ITGA1: variants seen among roughly 807,000 people sequenced by gnomAD.
ITGA1 encodes integrin alpha-1.
ITGA1 carries 85 observed loss-of-function variants against 145.9 expected under a neutral mutation model. The observed-to-expected ratio is 0.58, with a 90% confidence interval of 0.49 to 0.70. The LOEUF (loss-of-function observed/expected upper bound fraction) is 0.70. Among genes scored for constraint, ITGA1 ranks in the 30% least tolerant of loss-of-function variants. The pLI is 0.00. For missense variants in ITGA1, 1,351 were observed against 1,418.7 expected, an observed-to-expected ratio of 0.95 and a Z score of 0.77; for synonymous variants, 520 against 495.3, an observed-to-expected ratio of 1.05 and a Z score of -0.66.
Position 52,897,452 on chromosome 5 carries a change from T to C in ITGA1, c.1091-3T>C. 6.2e-7 allele frequency: 1 copy of C among 1,604,176 alleles called. No homozygotes were observed. Among genetic ancestry groups the C allele is most frequent in the Non-Finnish European group, 8.5e-7 (1 of 1,171,684 alleles). On this transcript the variant is annotated splice_region_variant and splice_polypyrimidine_tract_variant and intron_variant, in intron 9 of 28. Transcript: ENST00000282588. ...TTTACAGTGATATTTTCCTATGTTA[T>C]AGCCACAGCTGACCAGTCAGCAGCT...
Position 52,898,239 on chromosome 5 carries a change from G to T in ITGA1, c.1165G>T (p.Asp389Tyr). Residue 389 changes from aspartate (D) to tyrosine (Y), a missense_variant and splice_region_variant, in exon 11 of 29, where the codon GAC becomes TAC. Asp to Tyr is a radical substitution (Grantham distance 160). Transcript: ENST00000282588. ...QTGFSAHYSQ[D>Y]WVMLGAVGAY... ...ATTATCTTATTTATTTGCATGTAAG[G>T]ACTGGGTCATGCTTGGAGCAGTAGG... is the stretch of plus-strand genomic sequence containing the variant. 6.5e-7 allele frequency: 1 copy of T among 1,547,862 alleles called. No individual in the cohort carries two copies. Among genetic ancestry groups the T allele is most frequent in the South Asian group, 1.3e-5 (1 of 78,756 alleles).
rs911401634 is a variant in ITGA1, at chr5:52,952,428, C to T, written c.3517C>T (p.Leu1173=). The change falls in exon 29 of 29, where the codon CTG becomes TTG. Residue 1173 remains leucine, a synonymous_variant. Coordinates refer to ENST00000282588, the MANE Select transcript of ITGA1 (RefSeq NM_181501.2). ...LWKIGFFKRP[L]KKKMEK ...ACAGATTGGATTCTTCAAAAGACCA[C>T]TGAAAAAGAAAATGGAGAAATGAAA... 15 of 1,417,976 alleles carry T rather than the reference C, an allele frequency of 1.1e-5. No homozygotes were observed. Among genetic ancestry groups the T allele is most frequent in the Non-Finnish European group, 1.4e-5 (15 of 1,038,050 alleles). The allele number at this position is 1,417,976 out of a possible 1,614,324, so 87.8% of individuals were successfully genotyped here.
chr5:52,891,669 A>T (rs1750153607), intron 8 of ITGA1, among the ~76,000 whole-genome samples: 1 of 140,626 alleles, frequency 7.1e-6, no homozygotes. Context: ...TAAAGTTTTA[A>T]AAAAAATATT....
chr5:52,932,104 G>T lies in ITGA1; in HGVS notation c.2829G>T (p.Pro943=), dbSNP rs373095255. 4.4e-6 allele frequency: 7 copies of T among 1,608,982 alleles called. No homozygotes were observed. Among genetic ancestry groups the T allele is most frequent in the Non-Finnish European group, 6.0e-6 (7 of 1,176,024 alleles). The change falls in exon 22 of 29, where the codon CCG becomes CCT. Residue 943 remains proline, a synonymous_variant. Coordinates refer to ENST00000282588, the MANE Select transcript of ITGA1 (RefSeq NM_181501.2). ...ATAATGTAGTAAACATTTCTATCCC[G>T]GTAAAATATGAAGTTGGACTACAGT... ...LSDNVVNISI[P]VKYEVGLQFY...
At chr5:52,884,040 AG>A (rs1414145480) in intron 7 of ITGA1, among the ~76,000 whole-genome samples, 1 of 152,208 alleles carries the variant, frequency 6.6e-6, no homozygotes, top group African/African-American at 2.4e-5. Context: ...TAGTGACCTA[AG>A]GAATTTGAAT....
At chr5:52,852,929 C>T (rs1261206707) in intron 2 of ITGA1, among the ~76,000 whole-genome samples, 1 of 151,984 alleles carries the variant, frequency 6.6e-6, no homozygotes, top group Non-Finnish European at 1.5e-5. Flanking sequence ...CTACTTAGGA[C>T]CAGAGCTGTA....
chr5:52,917,671 T>C (rs1183269885), intron 15 of ITGA1, among the ~76,000 whole-genome samples: 1 of 152,052 alleles, frequency 6.6e-6, no homozygotes, highest in African/African-American at 2.4e-5. Context: ...GGCATACATA[T>C]GAAGATGTGC....
intron 1 of ITGA1, among the ~76,000 whole-genome samples, chr5:52,789,693 T>C (rs1748201989): frequency 6.6e-6 from 1 of 152,236 alleles, no homozygotes; most frequent in Admixed American, 6.5e-5. Flanking sequence ...TTTTTACACA[T>C]ATTTGACCTA....
chr5:52,821,799 A>C (rs1748883593), intron 1 of ITGA1, among the ~76,000 whole-genome samples: 1 of 152,162 alleles, frequency 6.6e-6, no homozygotes, highest in African/African-American at 2.4e-5. Flanking sequence ...TATAGAATTT[A>C]TTAGGAATCT....
chr5:52,885,600 T>C (rs1750033719), intron 7 of ITGA1, among the ~76,000 whole-genome samples: 1 of 152,212 alleles, frequency 6.6e-6, no homozygotes, highest in Non-Finnish European at 1.5e-5. Context: ...AAATTAAATT[T>C]GACAGAGTTT....
chr5:52,857,285 C>A (rs933888288), intron 2 of ITGA1, among the ~76,000 whole-genome samples: 5 of 152,198 alleles, frequency 3.3e-5, no homozygotes, highest in African/African-American at 1.2e-4. Context: ...CGCTCTTCCT[C>A]ATTTTTAAGA....
At position 52,865,757 on chromosome 5, in the gene ITGA1, T is replaced by C. The variant is rs770257390; in HGVS notation, c.564T>C (p.Ser188=). The change falls in exon 6 of 29, where the codon AGT becomes AGC. Residue 188 remains serine, a synonymous_variant. Transcript: ENST00000282588. The part of the protein sequence containing the change: ...DGSNSIYPWD[S]VTAFLNDLLE... ...CCAACAGTATTTACCCATGGGACAGTGTTACAGCTTTTTTAAATGACCTTC... is the reference window on the plus strand; with the variant it reads ...CCAACAGTATTTACCCATGGGACAGCGTTACAGCTTTTTTAAATGACCTTC... The C allele has an allele frequency of 6.2e-7, 1 of 1,605,440 alleles. No individual in the cohort carries two copies. Among genetic ancestry groups the C allele is most frequent in the Admixed American group, 1.7e-5 (1 of 58,262 alleles).
intron 1 of ITGA1, 124 bp from the exon 2 acceptor site, chr5:52,849,241 T>C (rs1749387887): frequency 1.8e-5 from 14 of 792,030 alleles, no homozygotes; most frequent in Non-Finnish European, 2.4e-5. Flanking sequence ...TTTTCATTCT[T>C]TGAGCTTCTT....
At position 52,865,029 on chromosome 5, in the gene ITGA1, G is replaced by C. The variant is rs200986699; in HGVS notation, c.443G>C (p.Cys148Ser). The change falls in exon 5 of 29, where the codon TGT becomes TCT. Residue 148 changes from cysteine to serine, a missense_variant. Cys to Ser is a moderately radical substitution (Grantham distance 112, BLOSUM62 -1). Coordinates refer to ENST00000282588, the MANE Select transcript of ITGA1 (RefSeq NM_181501.2). ...CATTTGCATTACACAACTGGAATCT[G>C]TTCTGACGTCAGCCCCACATTTCAA... is the stretch of plus-strand genomic sequence containing the variant. ...CGHLHYTTGI[C>S]SDVSPTFQVV... The C allele has an allele frequency of 1.1e-4, 174 of 1,613,742 alleles. No homozygotes were observed. Among genetic ancestry groups the C allele is most frequent in the Non-Finnish European group, 1.5e-4 (173 of 1,179,872 alleles).
intron 15 of ITGA1, 151 bp from the exon 16 acceptor site, chr5:52,918,581 T>G: frequency 3.2e-6 from 2 of 623,120 alleles, no homozygotes; most frequent in East Asian, 3.1e-5. Flanking sequence ...TAATCTCTTC[T>G]GTAACAATGA....
At chr5:52,911,707 A>G (rs928734417) in intron 14 of ITGA1, among the ~76,000 whole-genome samples, 2 of 136,596 alleles carry the variant, frequency 1.5e-5, no homozygotes, top group African/African-American at 5.3e-5. Flanking sequence ...TAGTGTATCT[A>G]CTATATATAC....
chr5:52,872,268 G>T (rs1749787412), intron 6 of ITGA1, among the ~76,000 whole-genome samples: 1 of 152,098 alleles, frequency 6.6e-6, no homozygotes, highest in African/African-American at 2.4e-5. Flanking sequence ...AAGCCTGAGG[G>T]AGACATGCAG....
intron 5 of ITGA1, among the ~76,000 whole-genome samples, chr5:52,865,422 G>A: frequency 6.6e-6 from 1 of 152,168 alleles, no homozygotes; most frequent in East Asian, 1.9e-4. Context: ...AATTCATATT[G>A]AGAAAATTTG....
At chr5:52,914,608 A>AG (rs397882153) in intron 14 of ITGA1, among the ~76,000 whole-genome samples, 55 of 150,174 alleles carry the variant, frequency 3.7e-4, no homozygotes, top group Middle Eastern at 3.5e-3. Flanking sequence ...AAAAAAAAAA[A>AG]GGGGGGGAAA....
Sources: gnomAD v4.1 joint callset for allele counts (sites outside exome capture counted in the v4.1 genomes callset) on GRCh38, gnomAD v4.1.1 for gene constraint, MANE v1.5 for transcripts, NCBI Gene and HGNC (gene_info 2026-07-23, HGNC 2026-07-21) for gene names.